SYNPR: variants seen among roughly 807,000 people sequenced by gnomAD.
SYNPR encodes synaptoporin.
SYNPR carries 23 observed loss-of-function variants against 32.9 expected under a neutral mutation model. The observed-to-expected ratio is 0.70, with a 90% CI of 0.50 to 0.99. The LOEUF (loss-of-function observed/expected upper bound fraction) is 0.99. Ranked by LOEUF, SYNPR falls within the 50% of genes least tolerant of loss-of-function variation. The pLI is 0.00. For synonymous variants in SYNPR, 146 were observed against 135.9 expected, an observed-to-expected ratio of 1.07 and a Z score of -0.52; for missense variants, 318 against 349.3, an observed-to-expected ratio of 0.91 and a Z score of 0.71.
the SYNPR span, among the ~76,000 whole-genome samples, chr3:63,208,100 G>A: frequency 1.3e-5 from 2 of 151,704 alleles, no homozygotes; most frequent in East Asian, 3.9e-4. Flanking sequence ...ATATACTTCC[G>A]AAAGTCAGTA....
intron 2 of SYNPR, among the ~76,000 whole-genome samples, chr3:63,302,388 C>T (rs1483673790): frequency 1.3e-5 from 2 of 152,044 alleles, no homozygotes; most frequent in African/African-American, 4.8e-5. Context: ...GTCTCCTACT[C>T]ACCCTGGTGA....
rs139462939 is a variant in SYNPR, at chr3:63,573,480, C to T, written c.408+16739C>T. Among the ~76,000 whole-genome samples the T allele has an allele frequency of 3.6e-3, 543 of 152,164 alleles. 11 individuals carry two copies. The highest frequency in any genetic ancestry group is 2.9e-3 in the East Asian group (15 of 5,164). ...ATCTCCAAAATAAATATTAATGCTG[C>T]GGCCCCTCAATTTCTTGAAGCTTTA... On this transcript the variant is annotated intron_variant, in intron 4 of 5. Transcript: ENST00000478300.
intron 2 of SYNPR, among the ~76,000 whole-genome samples, chr3:63,303,374 C>A (rs1041526083): frequency 6.6e-6 from 1 of 151,916 alleles, no homozygotes; most frequent in East Asian, 1.9e-4. Context: ...TGTTGAGACA[C>A]TGGGCAAACC....
intron 2 of SYNPR, among the ~76,000 whole-genome samples, chr3:63,469,906 T>C (rs1179210641): frequency 1.3e-5 from 2 of 148,332 alleles, no homozygotes; most frequent in African/African-American, 2.6e-5. Context: ...TCTTTAACTT[T>C]ACATTTTTCA....
At chr3:63,245,110 G>C (rs1163765950) in intron 1 of SYNPR, among the ~76,000 whole-genome samples, 3 of 152,100 alleles carry the variant, frequency 2.0e-5, no homozygotes, top group East Asian at 3.9e-4. Flanking sequence ...TTGGTTTGCA[G>C]AAGCTTTATT....
At chr3:63,423,922 A>C (rs1423007914) in intron 2 of SYNPR, among the ~76,000 whole-genome samples, 1 of 152,226 alleles carries the variant, frequency 6.6e-6, no homozygotes, top group African/African-American at 2.4e-5. Flanking sequence ...GAAAAATCCA[A>C]AGTGAGAGAC....
At chr3:63,596,293 C>G (rs1699958437) in intron 4 of SYNPR, among the ~76,000 whole-genome samples, 1 of 134,532 alleles carries the variant, frequency 7.4e-6, no homozygotes. Context: ...ACTTCCTTCC[C>G]CCTCCTCCCC....
chr3:63,222,387 T>A, the SYNPR span, among the ~76,000 whole-genome samples: 1 of 152,180 alleles, frequency 6.6e-6, no homozygotes, highest in Admixed American at 6.5e-5. Flanking sequence ...AATTTTAAAA[T>A]TATTTTTATC....
At chr3:63,360,110 T>C (rs2087636593) in intron 2 of SYNPR, among the ~76,000 whole-genome samples, 3 of 152,200 alleles carry the variant, frequency 2.0e-5, no homozygotes. Flanking sequence ...GTGTCTCAGA[T>C]TAATATTTAC....
At chr3:63,569,922 T>C (rs1481596555) in intron 4 of SYNPR, among the ~76,000 whole-genome samples, 3 of 152,152 alleles carry the variant, frequency 2.0e-5, no homozygotes, top group Non-Finnish European at 2.9e-5. Context: ...GCAAAAGTGG[T>C]AATAGTCTAT....
chr3:63,584,471 G>T (rs1436348729), intron 4 of SYNPR, among the ~76,000 whole-genome samples: 1 of 152,028 alleles, frequency 6.6e-6, no homozygotes, highest in Non-Finnish European at 1.5e-5. Flanking sequence ...ATTTGGCTGG[G>T]TATACAGGAA....
chr3:63,327,172 A>T (rs1305350826), intron 2 of SYNPR, among the ~76,000 whole-genome samples: 1 of 152,154 alleles, frequency 6.6e-6, no homozygotes, highest in Non-Finnish European at 1.5e-5. Flanking sequence ...ATGGAGATAA[A>T]TATATACATT....
chr3:63,230,515 A>G (rs1345210684), intron 1 of SYNPR, among the ~76,000 whole-genome samples: 1 of 152,176 alleles, frequency 6.6e-6, no homozygotes, highest in Non-Finnish European at 1.5e-5. Context: ...TTATGTGACT[A>G]TCCAAGACTA....
At chr3:63,479,881 T>C (rs1701011927) in intron 2 of SYNPR, among the ~76,000 whole-genome samples, 1 of 152,148 alleles carries the variant, frequency 6.6e-6, no homozygotes, top group African/African-American at 2.4e-5. Flanking sequence ...CTATGCAAAA[T>C]GAGCTGGTGT....
chr3:63,422,581 G>C (rs1042765257), intron 2 of SYNPR, among the ~76,000 whole-genome samples: 1 of 152,104 alleles, frequency 6.6e-6, no homozygotes, highest in Non-Finnish European at 1.5e-5. Context: ...TTATACATCA[G>C]TTATGCCTCA....
chr3:63,546,941 G>A (rs963770070), intron 3 of SYNPR, among the ~76,000 whole-genome samples: 1 of 152,096 alleles, frequency 6.6e-6, no homozygotes, highest in Non-Finnish European at 1.5e-5. Flanking sequence ...GAAATGTCTA[G>A]GAAAATGATT....
intron 2 of SYNPR, among the ~76,000 whole-genome samples, chr3:63,292,973 G>T (rs145869086): frequency 6.6e-6 from 1 of 152,160 alleles, no homozygotes. Context: ...GCCTCAGGCC[G>T]TCTGTAGGCT....
chr3:63,333,948 A>C (rs1328318142), intron 2 of SYNPR, among the ~76,000 whole-genome samples: 1 of 152,248 alleles, frequency 6.6e-6, no homozygotes, highest in Non-Finnish European at 1.5e-5. Context: ...AACTGTATTA[A>C]GAATGAAAAG....
intron 3 of SYNPR, among the ~76,000 whole-genome samples, chr3:63,526,110 G>A (rs1212299075): frequency 6.6e-6 from 1 of 152,188 alleles, no homozygotes; most frequent in African/African-American, 2.4e-5. Flanking sequence ...GATTGAGAAT[G>A]ACACCAGCCA....
Sources: allele counts gnomAD v4.1 joint callset (sites outside exome capture counted in the v4.1 genomes callset), GRCh38; gene constraint gnomAD v4.1.1; transcripts MANE v1.5; gene names NCBI Gene and HGNC (gene_info 2026-07-23, HGNC 2026-07-21).